Variants in GALNT13 observed in about 807,000 individuals in gnomAD.
GALNT13 encodes the protein UDP-GalNAc:polypeptide N-acetylgalactosaminyltransferase 13.
Under a neutral mutation model 64.2 loss-of-function variants are expected in GALNT13, and 28 were observed. The ratio of observed to expected loss-of-function variants is 0.44; its 90% CI spans 0.32 to 0.60. GALNT13 has a LOEUF of 0.60. Ranked by LOEUF, GALNT13 falls within the 20% of genes least tolerant of loss-of-function variation. The pLI is 0.05. For synonymous variants in GALNT13, 214 were observed against 224.6 expected, an observed-to-expected ratio of 0.95 and a Z score of 0.42; for missense variants, 577 against 669.8, an observed-to-expected ratio of 0.86 and a Z score of 1.53.
At chr2:154,044,337 A>C (rs1699172070) in intron 3 of GALNT13, among the ~76,000 whole-genome samples, 1 of 152,194 alleles carries the variant, frequency 6.6e-6, no homozygotes. Flanking sequence ...GATTAAAAAG[A>C]TACCTCGTCA....
chr2:153,719,704 G>A, the GALNT13 span, among the ~76,000 whole-genome samples: 2 of 151,970 alleles, frequency 1.3e-5, no homozygotes, highest in Non-Finnish European at 2.9e-5. Flanking sequence ...GGTGACGGAC[G>A]CACCTGGAAA....
At chr2:153,984,621 T>C (rs1694673924) in intron 3 of GALNT13, among the ~76,000 whole-genome samples, 1 of 151,872 alleles carries the variant, frequency 6.6e-6, no homozygotes. Flanking sequence ...AACAATCATA[T>C]TCACCAATTT....
At chr2:153,274,305 G>A in the GALNT13 span, among the ~76,000 whole-genome samples, 1 of 152,172 alleles carries the variant, frequency 6.6e-6, no homozygotes, top group South Asian at 2.1e-4. Flanking sequence ...AACCGTACTG[G>A]GTCAGGGCCT....
intron 9 of GALNT13, among the ~76,000 whole-genome samples, chr2:154,372,588 T>C (rs1243670780): frequency 1.3e-5 from 2 of 152,138 alleles, no homozygotes; most frequent in Non-Finnish European, 2.9e-5. Context: ...GATACAGCCA[T>C]TGAAATATTT....
At chr2:153,926,428 T>C (rs1334299063) in intron 2 of GALNT13, 2 of 152,118 alleles carry the variant, frequency 1.3e-5, no homozygotes, top group African/African-American at 2.4e-5. Context: ...AAGCCACATA[T>C]ACAACTAGAA....
chr2:153,285,170 G>T, the GALNT13 span, among the ~76,000 whole-genome samples: 1 of 151,920 alleles, frequency 6.6e-6, no homozygotes, highest in Non-Finnish European at 1.5e-5. Flanking sequence ...GGGAAATGCC[G>T]GACACTTATA....
the GALNT13 span, among the ~76,000 whole-genome samples, chr2:153,526,578 T>C: frequency 6.6e-6 from 1 of 152,144 alleles, no homozygotes; most frequent in Non-Finnish European, 1.5e-5. Flanking sequence ...TCAAGAAGGA[T>C]GGAAACAAAC....
At chr2:153,136,735 G>A in the GALNT13 span, among the ~76,000 whole-genome samples, 3 of 151,988 alleles carry the variant, frequency 2.0e-5, no homozygotes, top group Non-Finnish European at 4.4e-5. Context: ...GTTACTACAT[G>A]TATTTTTGGC....
chr2:153,624,835 A>G, the GALNT13 span, among the ~76,000 whole-genome samples: 7 of 143,928 alleles, frequency 4.9e-5, no homozygotes, highest in Non-Finnish European at 9.1e-5. Context: ...CTGTTTTTAT[A>G]GAGTGGCAAA....
At chr2:153,077,958 G>A in the GALNT13 span, among the ~76,000 whole-genome samples, 1 of 152,084 alleles carries the variant, frequency 6.6e-6, no homozygotes, top group Non-Finnish European at 1.5e-5. Flanking sequence ...AGAATGTTAT[G>A]TATGCTTATT....
the GALNT13 span, among the ~76,000 whole-genome samples, chr2:153,312,883 G>A: frequency 6.6e-6 from 1 of 152,124 alleles, no homozygotes; most frequent in East Asian, 1.9e-4. Flanking sequence ...GTCTGAGATG[G>A]TGTAAATGAG....
chr2:153,908,823 TAATGCGTCCA>T (rs1344516641), intron 2 of GALNT13, among the ~76,000 whole-genome samples: 1 of 152,092 alleles, frequency 6.6e-6, no homozygotes, highest in Non-Finnish European at 1.5e-5. Flanking sequence ...GTTGGTAACA[TAATGCGTCCA>T]ACTTTGTTCT....
the GALNT13 span, among the ~76,000 whole-genome samples, chr2:153,484,723 G>A: frequency 6.6e-6 from 1 of 152,134 alleles, no homozygotes; most frequent in East Asian, 1.9e-4. Context: ...TCTGGAGGTA[G>A]GGCCCAAATG....
the GALNT13 span, among the ~76,000 whole-genome samples, chr2:153,857,814 A>G: frequency 2.2e-4 from 33 of 152,304 alleles, no homozygotes; most frequent in African/African-American, 5.8e-4. Flanking sequence ...AGCAAACTAT[A>G]TAACTCTTGC....
chr2:153,854,723 T>C, the GALNT13 span, among the ~76,000 whole-genome samples: 1 of 152,144 alleles, frequency 6.6e-6, no homozygotes, highest in Non-Finnish European at 1.5e-5. Context: ...AGTCAATATT[T>C]TAAAGATATC....
intron 6 of GALNT13, among the ~76,000 whole-genome samples, chr2:154,244,443 A>G (rs62171204): frequency 0.031 from 4,760 of 152,270 alleles, 93 homozygotes; most frequent in East Asian, 0.1. Flanking sequence ...GGCTCTGGTC[A>G]GTTGTGTGGA....
At chr2:153,426,207 G>A in the GALNT13 span, among the ~76,000 whole-genome samples, 17 of 151,722 alleles carry the variant, frequency 1.1e-4, no homozygotes, top group African/African-American at 4.1e-4. Context: ...GAGATTGAGA[G>A]TTTTAGATCA....
At chr2:154,380,837 G>T (rs11678337) in intron 9 of GALNT13, among the ~76,000 whole-genome samples, 16,295 of 152,000 alleles carry the variant, frequency 0.11, 980 homozygotes, top group Non-Finnish European at 0.14. Context: ...AACTGGGGAA[G>T]AATCTGCTTC....
the GALNT13 span, among the ~76,000 whole-genome samples, chr2:153,573,657 C>T: frequency 6.6e-6 from 1 of 152,008 alleles, no homozygotes; most frequent in South Asian, 2.1e-4. Flanking sequence ...TGTGATAACA[C>T]ATTATTTTAA....
Sources: gnomAD v4.1 joint callset for allele counts (sites outside exome capture counted in the v4.1 genomes callset) on GRCh38, gnomAD v4.1.1 for gene constraint, MANE v1.5 for transcripts, NCBI Gene and HGNC (gene_info 2026-07-23, HGNC 2026-07-21) for gene names.